The following PLEKHA3 variants were observed in gnomAD, a reference collection of about 807,000 sequenced individuals.
PLEKHA3 encodes the protein pleckstrin homology domain-containing family A member 3.
In PLEKHA3, 19 loss-of-function variants were observed where a neutral mutation model predicts 39.2. The observed-to-expected ratio is 0.48, with a 90% confidence interval of 0.34 to 0.71. The LOEUF is 0.71. PLEKHA3 is among the 30% of genes least tolerant of loss of function. The pLI, the probability that PLEKHA3 is intolerant of heterozygous loss-of-function variation, is 0.01. For missense variants in PLEKHA3, 253 were observed against 359.5 expected (o/e 0.70, Z 2.40); for synonymous variants, 97 against 118.6 (o/e 0.82, Z 1.18).
chr2:178,487,077 A>G (rs1685262252), intron 2 of PLEKHA3, among the ~76,000 whole-genome samples: 1 of 152,240 alleles, frequency 6.6e-6, no homozygotes, highest in South Asian at 2.1e-4. Flanking sequence ...GTGGGAATTT[A>G]TAGCCAAGGA....
intron 7 of PLEKHA3, among the ~76,000 whole-genome samples, chr2:178,503,333 G>T (rs747436346): frequency 4.6e-5 from 7 of 151,906 alleles, no homozygotes; most frequent in Non-Finnish European, 8.8e-5. Context: ...CCAATTGTGT[G>T]ATCTTGGGTA....
intron 4 of PLEKHA3, 106 bp downstream of exon 4, chr2:178,494,095 C>T: frequency 7.4e-7 from 1 of 1,347,450 alleles, no homozygotes; most frequent in African/African-American, 1.5e-5. Context: ...GAGTTATTTT[C>T]AGCTTTTCTG....
chr2:178,507,731 G>T lies in PLEKHA3; in HGVS notation c.*3844G>T, dbSNP rs1685626770. The T allele has an allele frequency of 8.3e-6, 1 of 121,108 alleles. No individual in the cohort carries two copies. Among genetic ancestry groups the T allele is most frequent in the African/African-American group, 3.1e-5 (1 of 32,186 alleles). 7.5% of individuals were successfully genotyped at this position (121,108 alleles called of 1,614,324 possible). A position where few individuals can be genotyped will look rare whatever the true frequency, so the allele number is the denominator to read the frequency against. On this transcript the variant is annotated 3_prime_UTR_variant, in exon 8 of 8. Transcript: ENST00000234453. ...TCCACCAGTAACTTCCTAAGAAAAG[G>T]TGCATAGAAAGTAAAGATTTTAAGG...
At chr2:178,486,529 G>C (rs1685252761) in intron 2 of PLEKHA3, among the ~76,000 whole-genome samples, 1 of 152,172 alleles carries the variant, frequency 6.6e-6, no homozygotes, top group South Asian at 2.1e-4. Context: ...CTGGGTCATA[G>C]CTATCAAACA....
At chr2:178,487,275 G>A (rs1271930424) in intron 2 of PLEKHA3, among the ~76,000 whole-genome samples, 1 of 152,170 alleles carries the variant, frequency 6.6e-6, no homozygotes, top group Non-Finnish European at 1.5e-5. Context: ...ATGAAATATG[G>A]TGTTAGGGGA....
chr2:178,496,893 G>A (rs1324979962), intron 5 of PLEKHA3, among the ~76,000 whole-genome samples: 1 of 151,858 alleles, frequency 6.6e-6, no homozygotes, highest in Non-Finnish European at 1.5e-5. Context: ...TGTAGAGATG[G>A]GGGGGGTCTC....
In PLEKHA3 at chr2:178,503,956, T is replaced by C. The variant is rs1422602008; in HGVS notation, c.*69T>C. The C allele has an allele frequency of 6.4e-6, 10 of 1,564,462 alleles. No individual in the cohort carries two copies. The highest frequency in any genetic ancestry group is 8.7e-6 in the Non-Finnish European group (10 of 1,143,544). On this transcript the variant is annotated 3_prime_UTR_variant, in exon 8 of 8. Coordinates refer to ENST00000234453, the MANE Select transcript of PLEKHA3 (RefSeq NM_019091.4). ...AGCTGCTGTAATTAAACTATTGTTA[T>C]AGGGAGTAGTTTTTTCCCTTAGGAC...
intron 3 of PLEKHA3, among the ~76,000 whole-genome samples, chr2:178,491,993 T>G (rs933035941): frequency 1.3e-5 from 2 of 152,148 alleles, no homozygotes; most frequent in African/African-American, 4.8e-5. Flanking sequence ...ACCTAATCAC[T>G]TGTTAAAAGT....
chr2:178,500,634 C>T (rs2154127982), intron 6 of PLEKHA3, among the ~76,000 whole-genome samples: 1 of 152,124 alleles, frequency 6.6e-6, no homozygotes, highest in South Asian at 2.1e-4. Context: ...TCTTCTCTTG[C>T]TGTTGTCAGT....
At chr2:178,490,362 A>G (rs2154127696) in intron 2 of PLEKHA3, among the ~76,000 whole-genome samples, 1 of 152,318 alleles carries the variant, frequency 6.6e-6, no homozygotes, top group Admixed American at 6.5e-5. Flanking sequence ...ATTTAATAGG[A>G]TAAGTGGCCC....
intron 6 of PLEKHA3, 67 bp downstream of exon 6, chr2:178,499,321 C>A: frequency 6.7e-7 from 1 of 1,493,380 alleles, no homozygotes; most frequent in Non-Finnish European, 9.2e-7. Flanking sequence ...TTCTTTGGGC[C>A]TTTAACAAGT....
chr2:178,511,652 G>A lies in PLEKHA3; in HGVS notation c.*7765G>A, dbSNP rs1276520862. 6.6e-6 allele frequency: 1 copy of A among 151,954 alleles called. No homozygotes were observed. Among genetic ancestry groups the A allele is most frequent in the Admixed American group, 6.6e-5 (1 of 15,254 alleles). The allele number at this position is 151,954 out of a possible 1,614,324, so 9.4% of individuals were successfully genotyped here. On this transcript the variant is annotated 3_prime_UTR_variant, in exon 8 of 8. Transcript: ENST00000234453. ...TTTGAAAGTGCTGGGATTACAGGCG[G>A]GAGCCACCGTGCCCGACCTGACCTC...
In PLEKHA3 at chr2:178,506,098, A is replaced by G. The variant is rs776532767; in HGVS notation, c.*2211A>G. On this transcript the variant is annotated 3_prime_UTR_variant, in exon 8 of 8. Coordinates refer to ENST00000234453, the MANE Select transcript of PLEKHA3 (RefSeq NM_019091.4). Reference sequence around the variant, plus strand: ...GACTTTTTTGAATTTTAAGAAAAAGATGAACCATATAACAATTCTGTAAGA... The same window carrying G: ...GACTTTTTTGAATTTTAAGAAAAAGGTGAACCATATAACAATTCTGTAAGA... 2.0e-5 allele frequency: 3 copies of G among 152,182 alleles called. No homozygotes were observed. The highest frequency in any genetic ancestry group is 4.4e-5 in the Non-Finnish European group (3 of 68,022). The allele number at this position is 152,182 out of a possible 1,614,324, so 9.4% of individuals were successfully genotyped here. A position where few individuals can be genotyped will look rare whatever the true frequency, so the allele number is the denominator to read the frequency against.
chr2:178,508,225 T>G lies in PLEKHA3; in HGVS notation c.*4338T>G, dbSNP rs948670480. 3 of 153,434 alleles carry G rather than the reference T, an allele frequency of 2.0e-5. No individual in the cohort carries two copies. Among genetic ancestry groups the G allele is most frequent in the Non-Finnish European group, 2.9e-5 (2 of 67,970 alleles). 9.5% of individuals were successfully genotyped at this position (153,434 alleles called of 1,614,324 possible). A position where few individuals can be genotyped will look rare whatever the true frequency, so the allele number is the denominator to read the frequency against. Reference sequence around the variant, plus strand: ...TTTTTCTCTCTAGTTGTTCCTTAAGTTATATTATCTTTGTTCTTTTTGTTA... The same window carrying G: ...TTTTTCTCTCTAGTTGTTCCTTAAGGTATATTATCTTTGTTCTTTTTGTTA... On this transcript the variant is annotated 3_prime_UTR_variant, in exon 8 of 8. Coordinates refer to ENST00000234453, the MANE Select transcript of PLEKHA3 (RefSeq NM_019091.4).
At position 178,491,336 on chromosome 2, in the gene PLEKHA3, A is replaced by G. The variant is rs974038378; in HGVS notation, c.313+522A>G. Among the ~76,000 whole-genome samples the G allele has an allele frequency of 3.3e-5, 5 of 152,198 alleles. No homozygotes were observed. In the East Asian group the frequency reaches 5.8e-4, roughly 18 times the overall value. On this transcript the variant is annotated intron_variant, in intron 3 of 7. Transcript: ENST00000234453. ...TAAACTCGTGCTTTCACTGGCTGAT[A>G]TATAGACAGTAAGATGTTGAAAAGG...
intron 2 of PLEKHA3, among the ~76,000 whole-genome samples, chr2:178,488,275 G>C (rs926493858): frequency 6.6e-6 from 1 of 152,192 alleles, no homozygotes; most frequent in Middle Eastern, 3.2e-3. Flanking sequence ...CCACTGTGTA[G>C]TTTATGTTTT....
In PLEKHA3 at chr2:178,483,303, A is replaced by G. The variant is rs7605294; in HGVS notation, c.41-2338A>G. ...TGAGAATCCTTTGTAGAGAGTAAGA[A>G]TTTCAGTAACATTTTGTAGTTTGAG... On this transcript the variant is annotated intron_variant, in intron 1 of 7. Coordinates refer to ENST00000234453, the MANE Select transcript of PLEKHA3 (RefSeq NM_019091.4). Among the ~76,000 whole-genome samples, 217 of 152,176 alleles carry G rather than the reference A, an allele frequency of 1.4e-3. 1 individual carries two copies. The highest frequency in any genetic ancestry group is 5.1e-3 in the African/African-American group (211 of 41,522).
intron 2 of PLEKHA3, among the ~76,000 whole-genome samples, chr2:178,489,918 T>C (rs942741123): frequency 1.3e-5 from 2 of 152,218 alleles, no homozygotes; most frequent in Non-Finnish European, 2.9e-5. Context: ...TTGTCAACTG[T>C]ATAGAAGCAA....
At chr2:178,495,435 G>C in intron 4 of PLEKHA3, 61 bp from the exon 5 acceptor site, 1 of 1,464,994 alleles carries the variant, frequency 6.8e-7, no homozygotes, top group Non-Finnish European at 9.5e-7. Flanking sequence ...TAATGATAAG[G>C]TTGTATATGA....
Sources: allele counts gnomAD v4.1 joint callset (sites outside exome capture counted in the v4.1 genomes callset), GRCh38; gene constraint gnomAD v4.1.1; transcripts MANE v1.5; gene names NCBI Gene and HGNC (gene_info 2026-07-23, HGNC 2026-07-21).